ANKS1B: variants seen among roughly 807,000 people sequenced by gnomAD.
ANKS1B encodes ankyrin repeat and sterile alpha motif domain-containing protein 1B.
ANKS1B carries 36 observed loss-of-function variants against 148.3 expected under a neutral mutation model. The ratio of observed to expected loss-of-function variants is 0.24; its 90% confidence interval spans 0.19 to 0.32. ANKS1B has a LOEUF of 0.32. ANKS1B is among the 10% of genes least tolerant of loss of function. The pLI is 1.00. For synonymous variants in ANKS1B, 542 were observed against 560.8 expected, an observed-to-expected ratio of 0.97 and a Z score of 0.47; for missense variants, 1,157 against 1,542.6, an observed-to-expected ratio of 0.75 and a Z score of 4.19.
At chr12:98,995,331 C>A (rs891244185) in intron 17 of ANKS1B, among the ~76,000 whole-genome samples, 5 of 152,140 alleles carry the variant, frequency 3.3e-5, no homozygotes, top group African/African-American at 1.2e-4. Flanking sequence ...TGGTTCACGC[C>A]TGTAATCCCA....
At chr12:99,729,041 G>T (rs1302923354) in intron 8 of ANKS1B, among the ~76,000 whole-genome samples, 2 of 152,132 alleles carry the variant, frequency 1.3e-5, no homozygotes, top group East Asian at 3.8e-4. Flanking sequence ...TCGCTTTATT[G>T]CAGTGGTCTA....
At chr12:99,468,793 G>A (rs2096182986) in intron 10 of ANKS1B, among the ~76,000 whole-genome samples, 2 of 152,084 alleles carry the variant, frequency 1.3e-5, no homozygotes, top group Non-Finnish European at 2.9e-5. Flanking sequence ...GGAAACAACA[G>A]GTGCTGGAGA....
chr12:99,135,773 T>C (rs1600751138), intron 15 of ANKS1B, among the ~76,000 whole-genome samples: 1 of 152,178 alleles, frequency 6.6e-6, no homozygotes. Flanking sequence ...TCTGGCAATA[T>C]GAAAAATGAC....
chr12:99,329,886 T>C (rs1213719932), intron 12 of ANKS1B, among the ~76,000 whole-genome samples: 1 of 151,890 alleles, frequency 6.6e-6, no homozygotes, highest in Non-Finnish European at 1.5e-5. Flanking sequence ...AATCTACATG[T>C]TTACATCATA....
At chr12:99,328,336 G>A (rs191119922) in intron 12 of ANKS1B, among the ~76,000 whole-genome samples, 19 of 151,960 alleles carry the variant, frequency 1.3e-4, no homozygotes, top group Admixed American at 7.9e-4. Context: ...GCAAAACGTC[G>A]AAGATCCATA....
chr12:99,520,366 T>C (rs2096863392), intron 9 of ANKS1B, among the ~76,000 whole-genome samples: 2 of 152,240 alleles, frequency 1.3e-5, no homozygotes, highest in African/African-American at 4.8e-5. Flanking sequence ...TAAAAGTTTT[T>C]TTCCTTCAGC....
intron 14 of ANKS1B, among the ~76,000 whole-genome samples, chr12:99,239,424 G>A (rs1026458133): frequency 6.6e-6 from 1 of 152,196 alleles, no homozygotes. Flanking sequence ...TATGTGAAAA[G>A]ACCAAATATA....
intron 26 of ANKS1B, 26 bp from the exon 27 acceptor site, chr12:98,745,875 G>A (rs752276711): frequency 1.3e-6 from 2 of 1,593,696 alleles, no homozygotes; most frequent in Non-Finnish European, 1.7e-6. Flanking sequence ...GCTGATGCCT[G>A]TTATACGGTC....
At chr12:98,875,279 C>G (rs934834344) in intron 17 of ANKS1B, among the ~76,000 whole-genome samples, 3 of 152,206 alleles carry the variant, frequency 2.0e-5, no homozygotes, top group Admixed American at 6.5e-5. Context: ...CACATCTGCT[C>G]TCTGTGCTGT....
Position 99,899,738 on chromosome 12 carries a change from T to A in ANKS1B, c.135-74349A>T, listed in dbSNP as rs1331893399. Among the ~76,000 whole-genome samples, 6 of 152,150 alleles carry A rather than the reference T, an allele frequency of 3.9e-5. No individual in the cohort carries two copies. The South Asian group carries it at 1.2e-3, about 32-fold the overall frequency. ...AACTAGCTTCTCTTAGAATTTCCAC[T>A]GTAGGAAATAAATAACAATATACAC... is the stretch of plus-strand genomic sequence containing the variant. On this transcript the variant is annotated intron_variant, in intron 1 of 26. Transcript: ENST00000683438.
intron 17 of ANKS1B, among the ~76,000 whole-genome samples, chr12:99,021,338 T>C (rs1016233798): frequency 8.5e-5 from 13 of 152,156 alleles, no homozygotes; most frequent in Non-Finnish European, 1.9e-4. Flanking sequence ...TATTTGAGGA[T>C]AGACTTCAAA....
At chr12:98,813,823 G>T (rs1286798271) in intron 19 of ANKS1B, among the ~76,000 whole-genome samples, 14 of 146,246 alleles carry the variant, frequency 9.6e-5, no homozygotes, top group South Asian at 6.7e-4. Context: ...CCAAAGTGCT[G>T]GGATTACAGG....
At chr12:98,929,848 T>C (rs1474882408) in intron 17 of ANKS1B, among the ~76,000 whole-genome samples, 3 of 151,998 alleles carry the variant, frequency 2.0e-5, no homozygotes, top group African/African-American at 4.8e-5. Flanking sequence ...GAAGAAAACA[T>C]AGAAGAAAAT....
chr12:99,917,055 G>A (rs1335310087), intron 1 of ANKS1B, among the ~76,000 whole-genome samples: 1 of 152,184 alleles, frequency 6.6e-6, no homozygotes, highest in Non-Finnish European at 1.5e-5. Context: ...GGACAGTGGT[G>A]AAAGGAAATC....
At chr12:99,002,443 T>C (rs933025801) in intron 17 of ANKS1B, among the ~76,000 whole-genome samples, 3 of 152,154 alleles carry the variant, frequency 2.0e-5, no homozygotes, top group African/African-American at 7.2e-5. Context: ...TGTAAAATGA[T>C]TCAATCAAGC....
chr12:99,455,828 T>A (rs886854391), intron 10 of ANKS1B, among the ~76,000 whole-genome samples: 5 of 152,092 alleles, frequency 3.3e-5, no homozygotes, highest in Non-Finnish European at 7.4e-5. Flanking sequence ...GGTTATTGTC[T>A]GCTGGCCCTG....
In ANKS1B at chr12:98,954,880, C is replaced by T. The variant is rs368905892; in HGVS notation, c.2778+98277G>A. The stretch of plus-strand genomic sequence containing the variant: ...TATATTATATAATTTTGTATATACT[C>T]GATAATGCTCAGGACATAGAGCTTC... On this transcript the variant is annotated intron_variant, in intron 17 of 26. Coordinates refer to ENST00000683438, the MANE Select transcript of ANKS1B (RefSeq NM_001352186.2). Among the ~76,000 whole-genome samples, 55 of 152,206 alleles carry T rather than the reference C, an allele frequency of 3.6e-4. No individual in the cohort carries two copies. In the South Asian group the frequency reaches 0.011, roughly 30 times the overall value.
chr12:99,333,964 T>C (rs1483984576), intron 12 of ANKS1B, among the ~76,000 whole-genome samples: 1 of 151,560 alleles, frequency 6.6e-6, no homozygotes, highest in African/African-American at 2.4e-5. Flanking sequence ...GTATGATTTA[T>C]GGTTATGGAG....
chr12:98,783,348 T>C (rs772801323), intron 22 of ANKS1B, among the ~76,000 whole-genome samples: 1 of 151,984 alleles, frequency 6.6e-6, no homozygotes, highest in African/African-American at 2.4e-5. Flanking sequence ...CTGAGCTCAG[T>C]AGAAAAGAGG....
Sources: allele counts gnomAD v4.1 joint callset (sites outside exome capture counted in the v4.1 genomes callset), GRCh38; gene constraint gnomAD v4.1.1; transcripts MANE v1.5; gene names NCBI Gene and HGNC (gene_info 2026-07-23, HGNC 2026-07-21).